Variants in ZNF654 observed in about 807,000 individuals in gnomAD.
The protein encoded by ZNF654 is melanoma-associated antigen.
Under a neutral mutation model 95.3 loss-of-function variants are expected in ZNF654, and 19 were observed. The ratio of observed to expected loss-of-function variants is 0.20; its 90% CI spans 0.14 to 0.29. ZNF654 has a LOEUF of 0.29. ZNF654 is among the 10% of genes least tolerant of loss of function. The pLI is 1.00. For missense variants in ZNF654, 1,046 were observed against 1,341.0 expected (o/e 0.78, Z 3.44); for synonymous variants, 413 against 457.9 (o/e 0.90, Z 1.25).
chr3:88,110,709 C>G (rs1705037928), intron 2 of ZNF654, among the ~76,000 whole-genome samples: 1 of 152,054 alleles, frequency 6.6e-6, no homozygotes, highest in Non-Finnish European at 1.5e-5. Flanking sequence ...ACAAGTTGAT[C>G]TGTAAACATT....
At chr3:88,115,477 G>C (rs1705335144) in intron 3 of ZNF654, among the ~76,000 whole-genome samples, 3 of 152,178 alleles carry the variant, frequency 2.0e-5, no homozygotes, top group Admixed American at 6.6e-5. Context: ...TCATGTCACT[G>C]TTTTTAAGGT....
Position 88,140,154 on chromosome 3 carries a change from C to A in ZNF654, c.2485C>A (p.Pro829Thr). The A allele has an allele frequency of 6.2e-7, 1 of 1,613,796 alleles. No individual in the cohort carries two copies. Among genetic ancestry groups the A allele is most frequent in the Non-Finnish European group, 8.5e-7 (1 of 1,179,754 alleles). ...TAATTGCAACGAGTCGTTTAAGCTG[C>A]CGTTCCAGCTTGCCCAGCACACAAA... ...HFNCNESFKL[P>T]FQLAQHTKSH... Residue 829 changes from proline (P) to threonine (T), a missense_variant, in exon 8 of 9, where the codon CCG becomes ACG. By Grantham distance (38) the Pro-to-Thr change is conservative. Transcript: ENST00000636215.
chr3:88,097,575 A>G (rs369322309), intron 2 of ZNF654, among the ~76,000 whole-genome samples: 1 of 152,086 alleles, frequency 6.6e-6, no homozygotes, highest in East Asian at 1.9e-4. Flanking sequence ...TGACCACATA[A>G]TTGGAAGTAA....
rs1707160224 is a variant in ZNF654 at position 88,142,072 on chromosome 3, CA to C, written c.*423del. On this transcript the variant is annotated 3_prime_UTR_variant, in exon 9 of 9. Coordinates refer to ENST00000636215, the MANE Select transcript of ZNF654 (RefSeq NM_001350134.2). Reference sequence around the variant, plus strand: ...AAACCATTTAAAGTATTTTATTCTACAAATGGGGTTTGTTTTCTTGTCATGC... The same window carrying C: ...AAACCATTTAAAGTATTTTATTCTACAATGGGGTTTGTTTTCTTGTCATGC... 6.4e-6 allele frequency: 1 copy of C among 155,698 alleles called. No individual in the cohort carries two copies. The highest frequency in any genetic ancestry group is 1.4e-5 in the Non-Finnish European group (1 of 70,174). The allele number at this position is 155,698 out of a possible 1,614,324, so 9.6% of individuals were successfully genotyped here. A position where few individuals can be genotyped will look rare whatever the true frequency, so the allele number is the denominator to read the frequency against.
chr3:88,092,323 T>A (rs986017866), intron 2 of ZNF654, among the ~76,000 whole-genome samples: 1 of 152,206 alleles, frequency 6.6e-6, no homozygotes, highest in Non-Finnish European at 1.5e-5. Context: ...ATAAGATAGA[T>A]AAATTCTTGT....
chr3:88,064,144 A>G (rs1476688078), intron 1 of ZNF654, among the ~76,000 whole-genome samples: 1 of 152,048 alleles, frequency 6.6e-6, no homozygotes, highest in Non-Finnish European at 1.5e-5. Context: ...ATAACAAAAA[A>G]TAGCAGTCAT....
At chr3:88,105,605 A>G (rs1310072558) in intron 2 of ZNF654, among the ~76,000 whole-genome samples, 1 of 152,206 alleles carries the variant, frequency 6.6e-6, no homozygotes, top group Admixed American at 6.5e-5. Context: ...TGTTCCTTCC[A>G]TAGAGCTTGT....
intron 2 of ZNF654, among the ~76,000 whole-genome samples, chr3:88,110,442 C>G (rs1705019535): frequency 6.6e-6 from 1 of 152,092 alleles, no homozygotes; most frequent in South Asian, 2.1e-4. Flanking sequence ...TATATTGGCA[C>G]TGATCATTGA....
Position 88,143,117 on chromosome 3 carries a change from A to G in ZNF654, c.*1465A>G, listed in dbSNP as rs1707206564. On this transcript the variant is annotated 3_prime_UTR_variant, in exon 9 of 9. Transcript: ENST00000636215. ...TGTTCAAGGCAGATAATCTCATCAG[A>G]CCCTATTAGAGCTTCTTGAATGAGG... The G allele has an allele frequency of 6.6e-6, 1 of 152,260 alleles. No homozygotes were observed. The highest frequency in any genetic ancestry group is 2.1e-4 in the South Asian group (1 of 4,838). The allele number at this position is 152,260 out of a possible 1,614,324, so 9.4% of individuals were successfully genotyped here.
Position 88,143,295 on chromosome 3 carries a change from T to C in ZNF654, c.*1643T>C, listed in dbSNP as rs1427037187. ...ACTACTATGCAATGATGGTCATAAG[T>C]CCATTCCAAATTTAAATTTGTTTCT... On this transcript the variant is annotated 3_prime_UTR_variant, in exon 9 of 9. Coordinates refer to ENST00000636215, the MANE Select transcript of ZNF654 (RefSeq NM_001350134.2). 6.6e-6 allele frequency: 1 copy of C among 152,228 alleles called. No homozygotes were observed. Among genetic ancestry groups the C allele is most frequent in the Non-Finnish European group, 1.5e-5 (1 of 67,710 alleles). 9.4% of individuals were successfully genotyped at this position (152,228 alleles called of 1,614,324 possible).
intron 1 of ZNF654, among the ~76,000 whole-genome samples, chr3:88,065,915 A>G (rs1457440379): frequency 3.9e-5 from 6 of 152,096 alleles, no homozygotes; most frequent in Non-Finnish European, 7.4e-5. Context: ...TTGTAGTTTT[A>G]GTAGAGACGA....
intron 6 of ZNF654, 117 bp downstream of exon 6, chr3:88,129,943 T>A (rs1706347328): frequency 1.1e-6 from 1 of 939,508 alleles, no homozygotes; most frequent in Non-Finnish European, 1.4e-6. Context: ...TAAAAAAAAA[T>A]TGATTGTGCA....
intron 6 of ZNF654, among the ~76,000 whole-genome samples, chr3:88,132,445 C>T (rs930778838): frequency 6.6e-6 from 1 of 152,148 alleles, no homozygotes; most frequent in African/African-American, 2.4e-5. Context: ...ATTAAACCTG[C>T]CCTTTTGGTC....
At chr3:88,059,585 T>A in intron 1 of ZNF654, 80 bp downstream of exon 1, 1 of 1,437,628 alleles carries the variant, frequency 7.0e-7, no homozygotes, top group South Asian at 1.5e-5. Flanking sequence ...CGTCCATGAA[T>A]CTGGTCTATG....
At chr3:88,098,809 T>C (rs1013241672) in intron 2 of ZNF654, among the ~76,000 whole-genome samples, 2 of 152,086 alleles carry the variant, frequency 1.3e-5, no homozygotes, top group Non-Finnish European at 2.9e-5. Flanking sequence ...AAACTCTCAA[T>C]AAATTAGGTA....
In ZNF654 at chr3:88,125,784, G is replaced by A. The variant is rs1442650747; in HGVS notation, c.415-350G>A. 2.0e-5 allele frequency among the ~76,000 whole-genome samples: 3 copies of A among 152,106 alleles called. No individual in the cohort carries two copies. The East Asian group carries it at 5.8e-4, about 29-fold the overall frequency. ...TCTTATCAGGCTCTTGCCTGCCATT[G>A]TTAAGAGAAATTTTATGAACCTTTA... On this transcript the variant is annotated intron_variant, in intron 3 of 8. Coordinates refer to ENST00000636215, the MANE Select transcript of ZNF654 (RefSeq NM_001350134.2).
At chr3:88,081,390 C>A (rs1708067487) in intron 1 of ZNF654, among the ~76,000 whole-genome samples, 1 of 151,994 alleles carries the variant, frequency 6.6e-6, no homozygotes, top group African/African-American at 2.4e-5. Context: ...GACTGCAAAT[C>A]CTGCTTCTCC....
chr3:88,071,038 A>T (rs1447419917), intron 1 of ZNF654, among the ~76,000 whole-genome samples: 1 of 152,204 alleles, frequency 6.6e-6, no homozygotes, highest in African/African-American at 2.4e-5. Context: ...AAACTCATTC[A>T]TCGGTTCTCA....
chr3:88,109,065 G>C (rs1375399791), intron 2 of ZNF654, among the ~76,000 whole-genome samples: 1 of 151,698 alleles, frequency 6.6e-6, no homozygotes. Flanking sequence ...AATTGGGTTA[G>C]GTGCTATCCG....
Sources: gnomAD v4.1 joint callset for allele counts (sites outside exome capture counted in the v4.1 genomes callset) on GRCh38, gnomAD v4.1.1 for gene constraint, MANE v1.5 for transcripts, NCBI Gene and HGNC (gene_info 2026-07-23, HGNC 2026-07-21) for gene names.